The following GPC5 variants were observed in gnomAD, a reference collection of about 807,000 sequenced individuals.
GPC5 encodes glypican-5.
Under a neutral mutation model 53.9 loss-of-function variants are expected in GPC5, and 47 were observed. The observed-to-expected ratio is 0.87, with a 90% CI of 0.69 to 1.11. The LOEUF is 1.11. Ranked by LOEUF, GPC5 falls within the 50% of genes most tolerant of loss-of-function variation. The pLI, the probability that GPC5 is intolerant of heterozygous loss-of-function variation, is 0.00. For synonymous variants in GPC5, 286 were observed against 263.3 expected, an observed-to-expected ratio of 1.09 and a Z score of -0.84; for missense variants, 748 against 713.1, an observed-to-expected ratio of 1.05 and a Z score of -0.56.
chr13:92,249,357 C>A (rs947121260), intron 7 of GPC5, among the ~76,000 whole-genome samples: 1 of 152,032 alleles, frequency 6.6e-6, no homozygotes, highest in African/African-American at 2.4e-5. Context: ...TTTCTTTGAA[C>A]AGATGCTACG....
intron 5 of GPC5, among the ~76,000 whole-genome samples, chr13:91,873,182 C>A (rs1234069166): frequency 6.6e-6 from 1 of 152,062 alleles, no homozygotes; most frequent in African/African-American, 2.4e-5. Context: ...AACATGTCTT[C>A]CAATCTAATC....
chr13:92,073,749 C>T (rs1200686484), intron 6 of GPC5, among the ~76,000 whole-genome samples: 1 of 152,162 alleles, frequency 6.6e-6, no homozygotes, highest in Admixed American at 6.5e-5. Flanking sequence ...AACTCATTTA[C>T]AATGAAGTCA....
chr13:91,830,362 A>G (rs913233369), intron 5 of GPC5, among the ~76,000 whole-genome samples: 4 of 152,024 alleles, frequency 2.6e-5, no homozygotes, highest in African/African-American at 4.8e-5. Flanking sequence ...CCCAGATTTC[A>G]TATTGCTCAA....
intron 5 of GPC5, among the ~76,000 whole-genome samples, chr13:91,812,559 T>G (rs1248760519): frequency 6.6e-6 from 1 of 152,206 alleles, no homozygotes; most frequent in Non-Finnish European, 1.5e-5. Flanking sequence ...TTAAATCTTG[T>G]AGTGGAATCT....
intron 7 of GPC5, among the ~76,000 whole-genome samples, chr13:92,839,635 G>C (rs1181752356): frequency 6.6e-6 from 1 of 152,006 alleles, no homozygotes; most frequent in African/African-American, 2.4e-5. Flanking sequence ...ACAGGATTAT[G>C]TTATTTTTAT....
At chr13:91,539,155 T>C (rs1305981874) in intron 2 of GPC5, among the ~76,000 whole-genome samples, 1 of 152,220 alleles carries the variant, frequency 6.6e-6, no homozygotes, top group Non-Finnish European at 1.5e-5. Context: ...GGACCTATGC[T>C]TCATCTTTTT....
At chr13:92,602,143 G>GTA (rs1486469482) in intron 7 of GPC5, among the ~76,000 whole-genome samples, 7 of 140,894 alleles carry the variant, frequency 5.0e-5, no homozygotes, top group Admixed American at 7.2e-5. Context: ...ACATATGTGT[G>GTA]TATATATATA....
chr13:91,877,213 C>G (rs927878449), intron 5 of GPC5, among the ~76,000 whole-genome samples: 3 of 152,220 alleles, frequency 2.0e-5, no homozygotes, highest in Admixed American at 2.0e-4. Flanking sequence ...GAGCCCCACA[C>G]AGAGTCCCTA....
chr13:91,520,877 T>A (rs1885774718), intron 2 of GPC5, among the ~76,000 whole-genome samples: 1 of 152,114 alleles, frequency 6.6e-6, no homozygotes, highest in Non-Finnish European at 1.5e-5. Flanking sequence ...GTAGAAATGA[T>A]GATTGGGGGG....
chr13:92,282,345 T>G (rs1366699260), intron 7 of GPC5, among the ~76,000 whole-genome samples: 3 of 152,138 alleles, frequency 2.0e-5, no homozygotes, highest in Non-Finnish European at 2.9e-5. Context: ...TCAGGAGAAC[T>G]TCCCCAACCT....
intron 7 of GPC5, among the ~76,000 whole-genome samples, chr13:92,282,551 G>A (rs2042923996): frequency 6.6e-6 from 1 of 152,092 alleles, no homozygotes; most frequent in Non-Finnish European, 1.5e-5. Context: ...CGGATCTTTT[G>A]GCAGAAAATC....
chr13:91,958,211 CA>C (rs1171466794), intron 6 of GPC5, among the ~76,000 whole-genome samples: 3 of 145,080 alleles, frequency 2.1e-5, no homozygotes, highest in African/African-American at 7.6e-5. Context: ...AAACATAGAC[CA>C]AAAAACTAGC....
At chr13:91,646,551 A>G (rs554063835) in intron 2 of GPC5, among the ~76,000 whole-genome samples, 2 of 152,248 alleles carry the variant, frequency 1.3e-5, no homozygotes, top group Admixed American at 1.3e-4. Context: ...AAAATGAAAT[A>G]AAGAACTGCA....
intron 2 of GPC5, among the ~76,000 whole-genome samples, chr13:91,483,085 A>G (rs1883394004): frequency 6.6e-6 from 1 of 152,142 alleles, no homozygotes. Context: ...GTTTTCACGT[A>G]TATTTGTTAT....
chr13:92,265,750 G>A (rs755389924), intron 7 of GPC5, among the ~76,000 whole-genome samples: 9 of 152,076 alleles, frequency 5.9e-5, no homozygotes, highest in African/African-American at 1.2e-4. Flanking sequence ...TTATAGCAGC[G>A]CCCCACTTCT....
chr13:91,696,301 T>C (rs1035862728), intron 3 of GPC5, among the ~76,000 whole-genome samples: 12 of 152,236 alleles, frequency 7.9e-5, no homozygotes, highest in African/African-American at 2.9e-4. Context: ...AATAGTCTGA[T>C]TTTATATAAT....
intron 7 of GPC5, among the ~76,000 whole-genome samples, chr13:92,475,619 C>A (rs1879085167): frequency 6.6e-6 from 1 of 152,124 alleles, no homozygotes; most frequent in Non-Finnish European, 1.5e-5. Flanking sequence ...ACAAAGCACA[C>A]TACCTGACTT....
chr13:91,705,186 A>T (rs548347327), intron 3 of GPC5, among the ~76,000 whole-genome samples: 1 of 152,268 alleles, frequency 6.6e-6, no homozygotes, highest in East Asian at 1.9e-4. Flanking sequence ...TAACTGTGGG[A>T]TATTTTGTTC....
chr13:92,251,669 A>AT (rs2139129584), intron 7 of GPC5, among the ~76,000 whole-genome samples: 1 of 152,250 alleles, frequency 6.6e-6, no homozygotes, highest in African/African-American at 2.4e-5. Context: ...TGCCTAGCAC[A>AT]TACAAGACCC....
Sources: gnomAD v4.1 joint callset for allele counts (sites outside exome capture counted in the v4.1 genomes callset) on GRCh38, gnomAD v4.1.1 for gene constraint, MANE v1.5 for transcripts, NCBI Gene and HGNC (gene_info 2026-07-23, HGNC 2026-07-21) for gene names.